Variants in IRAK1BP1 observed in about 807,000 individuals in gnomAD.
IRAK1BP1 encodes the protein interleukin 1 receptor associated kinase 1 binding protein 1, also known as interleukin-1 receptor-associated kinase 1-binding protein 1.
A neutral mutation model predicts 28.0 loss-of-function variants in IRAK1BP1; 24 were observed. That is an observed-to-expected ratio of 0.86 (90% CI 0.62 to 1.20). The LOEUF (loss-of-function observed/expected upper bound fraction) is 1.20, where lower values mean the gene tolerates loss of function less well. Ranked by LOEUF, IRAK1BP1 falls within the 50% of genes most tolerant of loss-of-function variation. The pLI is 0.00. For missense variants in IRAK1BP1, 336 were observed against 316.7 expected (o/e 1.06, Z -0.46); for synonymous variants, 131 against 116.3 (o/e 1.13, Z -0.81).
intron 4 of IRAK1BP1, among the ~76,000 whole-genome samples, chr6:78,908,977 C>T (rs1330131320): frequency 6.6e-6 from 1 of 152,130 alleles, no homozygotes; most frequent in Admixed American, 6.5e-5. Context: ...ATTTGTCAGC[C>T]AGCCTTTGGC....
chr6:78,942,774 C>T (rs1773571278), intron 4 of IRAK1BP1, among the ~76,000 whole-genome samples: 1 of 152,156 alleles, frequency 6.6e-6, no homozygotes, highest in South Asian at 2.1e-4. Flanking sequence ...AGAAGATAGG[C>T]TTTAAGGACT....
the IRAK1BP1 span, among the ~76,000 whole-genome samples, chr6:78,959,025 C>G: frequency 6.6e-6 from 1 of 152,016 alleles, no homozygotes; most frequent in Non-Finnish European, 1.5e-5. Context: ...TACTGGTAAT[C>G]AAATGACATA....
rs115026285 is a variant in IRAK1BP1 at position 78,926,513 on chromosome 6, C to T, written c.*68-18895C>T. Among the ~76,000 whole-genome samples the T allele has an allele frequency of 4.3e-3, 656 of 152,136 alleles. 2 individuals carry two copies. Among genetic ancestry groups the T allele is most frequent in the African/African-American group, 0.014 (595 of 41,518 alleles). On this transcript the variant is annotated intron_variant and NMD_transcript_variant, in intron 4 of 4. Coordinates refer to the IRAK1BP1 transcript ENST00000606868. The stretch of plus-strand genomic sequence containing the variant: ...ATCACATCATGTAAAATGGGGTATC[C>T]ATCTCCCTAAGTATTTATCATTTGT...
chr6:78,957,842 A>C, the IRAK1BP1 span: 1 of 152,050 alleles, frequency 6.6e-6, no homozygotes, highest in African/African-American at 2.4e-5. Context: ...CTGCCTTAAT[A>C]AATAGTGCTT....
the IRAK1BP1 span, among the ~76,000 whole-genome samples, chr6:78,974,101 T>C: frequency 6.6e-6 from 1 of 151,872 alleles, no homozygotes; most frequent in Admixed American, 6.6e-5. Context: ...CCACACCTAT[T>C]CCAAAATTGA....
chr6:78,958,036 T>C, the IRAK1BP1 span: 1 of 154,746 alleles, frequency 6.5e-6, no homozygotes, highest in Admixed American at 6.4e-5. Context: ...TGCAACCTTA[T>C]ACATGTTAAC....
chr6:78,867,567 T>C lies in IRAK1BP1; in HGVS notation c.-10T>C. On this transcript the variant is annotated 5_prime_UTR_variant, in exon 1 of 4. Coordinates refer to ENST00000369940, the MANE Select transcript of IRAK1BP1 (RefSeq NM_001010844.4). ...CCGGTAGTTACTATGGAAACCCAGCTGCCATCGCTATGTCTCTGCAAAAGA... is the reference window on the plus strand; with the variant it reads ...CCGGTAGTTACTATGGAAACCCAGCCGCCATCGCTATGTCTCTGCAAAAGA... 5.6e-6 allele frequency: 9 copies of C among 1,610,450 alleles called. No individual in the cohort carries two copies. Among genetic ancestry groups the C allele is most frequent in the Non-Finnish European group, 6.8e-6 (8 of 1,177,964 alleles).
chr6:78,909,283 A>T (rs1369719333), intron 4 of IRAK1BP1, among the ~76,000 whole-genome samples: 2 of 152,248 alleles, frequency 1.3e-5, no homozygotes, highest in East Asian at 1.9e-4. Context: ...TCAAAAACAC[A>T]CTTCTGACTT....
chr6:78,915,787 C>G (rs1212968115), intron 4 of IRAK1BP1, among the ~76,000 whole-genome samples: 1 of 152,132 alleles, frequency 6.6e-6, no homozygotes, highest in Admixed American at 6.5e-5. Context: ...GTAGGCATTT[C>G]TTTTATTATA....
At chr6:78,934,840 TCCA>T (rs1773207607) in intron 4 of IRAK1BP1, among the ~76,000 whole-genome samples, 1 of 152,166 alleles carries the variant, frequency 6.6e-6, no homozygotes, top group South Asian at 2.1e-4. Flanking sequence ...ATTTCCCAAC[TCCA>T]GGCCAGTTCA....
At chr6:78,938,125 A>G (rs1312991960) in intron 4 of IRAK1BP1, 1 of 151,756 alleles carries the variant, frequency 6.6e-6, no homozygotes, top group Admixed American at 6.6e-5. Flanking sequence ...TGTAATGCAT[A>G]GAAGCTAAAT....
chr6:78,971,847 A>G, the IRAK1BP1 span, among the ~76,000 whole-genome samples: 2 of 152,166 alleles, frequency 1.3e-5, no homozygotes, highest in African/African-American at 2.4e-5. Context: ...GCACCACGAA[A>G]TTATATCCCG....
chr6:78,926,583 A>G (rs181326321), intron 4 of IRAK1BP1, among the ~76,000 whole-genome samples: 130 of 152,266 alleles, frequency 8.5e-4, no homozygotes, highest in Non-Finnish European at 1.3e-3. Context: ...TTAAAAATAT[A>G]CAATTAAATT....
chr6:78,978,767 A>G, the IRAK1BP1 span: 4 of 1,361,926 alleles, frequency 2.9e-6, no homozygotes, highest in Non-Finnish European at 4.1e-6. Flanking sequence ...ATTAATCCAC[A>G]AATCTACTCT....
At chr6:78,924,545 G>T (rs1026532305) in intron 4 of IRAK1BP1, among the ~76,000 whole-genome samples, 1 of 152,134 alleles carries the variant, frequency 6.6e-6, no homozygotes, top group East Asian at 1.9e-4. Context: ...GAAAAAGAGG[G>T]AATCCTCCCT....
intron 2 of IRAK1BP1, among the ~76,000 whole-genome samples, chr6:78,889,603 G>A (rs902200931): frequency 2.0e-5 from 3 of 149,930 alleles, no homozygotes; most frequent in Non-Finnish European, 3.0e-5. Context: ...ATCAAAAAGT[G>A]GGTTGGAGGG....
At chr6:78,880,969 GT>G (rs1034542775) in intron 1 of IRAK1BP1, among the ~76,000 whole-genome samples, 1 of 152,112 alleles carries the variant, frequency 6.6e-6, no homozygotes, top group African/African-American at 2.4e-5. Flanking sequence ...TAGTCTTATA[GT>G]TTCTTATAAG....
rs567348976 is a variant in IRAK1BP1, at chr6:78,891,997, G to A, written c.382-5832G>A. ...GGCATGAATATATAAGACTCATTCC[G>A]TTTTCAGACATCTGATCAATAGAGA... is the stretch of plus-strand genomic sequence containing the variant. On this transcript the variant is annotated intron_variant, in intron 2 of 3. Transcript: ENST00000369940. Among the ~76,000 whole-genome samples the A allele has an allele frequency of 8.2e-4, 124 of 152,014 alleles. 2 individuals are homozygous for A. The South Asian group carries it at 8.3e-3, about 10-fold the overall frequency.
chr6:78,962,826 G>A, the IRAK1BP1 span, among the ~76,000 whole-genome samples: 1 of 152,024 alleles, frequency 6.6e-6, no homozygotes, highest in African/African-American at 2.4e-5. Context: ...GTTTTAAATT[G>A]GGTTGTGGAG....
Sources: allele counts gnomAD v4.1 joint callset (sites outside exome capture counted in the v4.1 genomes callset), GRCh38; gene constraint gnomAD v4.1.1; transcripts MANE v1.5; gene names NCBI Gene and HGNC (gene_info 2026-07-23, HGNC 2026-07-21).